The following TOP1 variants were observed in gnomAD, a reference collection of about 807,000 sequenced individuals.
TOP1 encodes the protein DNA topoisomerase 1.
Under a neutral mutation model 111.1 loss-of-function variants are expected in TOP1, and 10 were observed. That is an observed-to-expected ratio of 0.09 (90% CI 0.06 to 0.15). The LOEUF is 0.15. Ranked by LOEUF, TOP1 falls within the 10% of genes least tolerant of loss-of-function variation. The pLI is 1.00. For synonymous variants in TOP1, 271 were observed against 302.9 expected, an observed-to-expected ratio of 0.89 and a Z score of 1.10; for missense variants, 474 against 926.7, an observed-to-expected ratio of 0.51 and a Z score of 6.34.
At position 41,069,468 on chromosome 20, in the gene TOP1, C is replaced by T. The variant is rs921178594; in HGVS notation, c.156-6703C>T. Reference sequence around the variant, plus strand: ...AAGATAAAAGTTAAGAGGCTGGGTTCTGTCATTTATAAGCTACGTGTCGTG... The same window carrying T: ...AAGATAAAAGTTAAGAGGCTGGGTTTTGTCATTTATAAGCTACGTGTCGTG... On this transcript the variant is annotated intron_variant, in intron 3 of 20. Transcript: ENST00000361337. The surrounding 1 kb of genome is among the most constrained non-coding windows in gnomAD (Gnocchi z 4.1). 2.0e-5 allele frequency among the ~76,000 whole-genome samples: 3 copies of T among 152,184 alleles called. No homozygotes were observed. The highest frequency in any genetic ancestry group is 2.9e-5 in the Non-Finnish European group (2 of 68,038).
Position 41,031,305 on chromosome 20 carries a change from A to G in TOP1, c.58+1850A>G, listed in dbSNP as rs563816811. Among the ~76,000 whole-genome samples the G allele has an allele frequency of 1.2e-4, 19 of 152,334 alleles. No homozygotes were observed. In the South Asian group the frequency reaches 3.7e-3, roughly 30 times the overall value. On this transcript the variant is annotated intron_variant, in intron 2 of 20. Coordinates refer to ENST00000361337, the MANE Select transcript of TOP1 (RefSeq NM_003286.4). Reference sequence around the variant, plus strand: ...TGTAAGAAGTCCTTTTGACCTTGCTAGAGGAAGGTGGGATCTTTAATATGG... The same window carrying G: ...TGTAAGAAGTCCTTTTGACCTTGCTGGAGGAAGGTGGGATCTTTAATATGG...
At chr20:41,040,093 G>A (rs2033242174) in intron 2 of TOP1, among the ~76,000 whole-genome samples, 1 of 152,142 alleles carries the variant, frequency 6.6e-6, no homozygotes, top group Admixed American at 6.5e-5. Context: ...CATATTTGAA[G>A]AACTAAAATC....
chr20:41,100,355 GAGC>G lies in TOP1; in HGVS notation c.1163+115_1163+117del. 2 of 844,790 alleles carry G rather than the reference GAGC, an allele frequency of 2.4e-6. No homozygotes were observed. Among genetic ancestry groups the G allele is most frequent in the South Asian group, 3.9e-5 (2 of 51,616 alleles). The allele number at this position is 844,790 out of a possible 1,614,324, so 52.3% of individuals were successfully genotyped here. On this transcript the variant is annotated intron_variant, in intron 12 of 20. Coordinates refer to ENST00000361337, the MANE Select transcript of TOP1 (RefSeq NM_003286.4). The surrounding 1 kb of genome is among the most constrained non-coding windows in gnomAD (Gnocchi z 4.4). ...ACTGTTTGGGAAGGGAGATACTTAA[GAGC>G]AGGACAGTATTTCATGCGTAGGTCT... is the stretch of plus-strand genomic sequence containing the variant.
rs758940687 is a variant in TOP1, at chr20:41,097,378, CA to C, written c.852+41del. ...CATGTGTTAATATCCTAGTACCTTG[CA>C]AAACAATCAAGTACTAAGTAATAAA... is the stretch of plus-strand genomic sequence containing the variant. On this transcript the variant is annotated intron_variant, in intron 10 of 20. Transcript: ENST00000361337. The surrounding 1 kb of genome is among the most constrained non-coding windows in gnomAD (Gnocchi z 4.2). The C allele has an allele frequency of 1.3e-5, 20 of 1,554,736 alleles. No homozygotes were observed. In the South Asian group the frequency reaches 2.3e-4, roughly 18 times the overall value.
At chr20:41,077,201 T>G (rs2033738308) in intron 4 of TOP1, among the ~76,000 whole-genome samples, 1 of 152,234 alleles carries the variant, frequency 6.6e-6, no homozygotes, top group East Asian at 1.9e-4. Flanking sequence ...ATTACAGGCA[T>G]GAGCCATCAC....
In TOP1 at chr20:41,067,562, G is replaced by GTATTTA. The variant is rs1329220911; in HGVS notation, c.155+6073_155+6078dup. On this transcript the variant is annotated intron_variant, in intron 3 of 20. Coordinates refer to ENST00000361337, the MANE Select transcript of TOP1 (RefSeq NM_003286.4). This position sits in a 1 kb window ranked among gnomAD's most constrained non-coding sequence, Gnocchi z 4.0. ...TCACATCTGAACCCCAGAATAATTAGTATTTAGCATGTTCTGTTCCAAAAT... is the reference window on the plus strand; with the variant it reads ...TCACATCTGAACCCCAGAATAATTAGTATTTATATTTAGCATGTTCTGTTCCAAAAT... Among the ~76,000 whole-genome samples the GTATTTA allele has an allele frequency of 1.3e-5, 2 of 152,330 alleles. No individual in the cohort carries two copies. The highest frequency in any genetic ancestry group is 4.8e-5 in the African/African-American group (2 of 41,576).
chr20:41,101,482 A>T lies in TOP1; in HGVS notation c.1308+129A>T. ...TCCTCCCCATTGAAAGAAGGCAAGT[A>T]CTTTCATAGTTAGCATTATGGTGAT... On this transcript the variant is annotated intron_variant, in intron 13 of 20. Coordinates refer to ENST00000361337, the MANE Select transcript of TOP1 (RefSeq NM_003286.4). The surrounding 1 kb of genome is among the most constrained non-coding windows in gnomAD (Gnocchi z 4.1). 3.0e-6 allele frequency: 3 copies of T among 994,570 alleles called. No homozygotes were observed. The highest frequency in any genetic ancestry group is 2.9e-6 in the Non-Finnish European group (2 of 691,288). The allele number at this position is 994,570 out of a possible 1,614,324, so 61.6% of individuals were successfully genotyped here. A position where few individuals can be genotyped will look rare whatever the true frequency, so the allele number is the denominator to read the frequency against.
chr20:41,050,012 A>G (rs2033383997), intron 2 of TOP1, among the ~76,000 whole-genome samples: 3 of 152,060 alleles, frequency 2.0e-5, no homozygotes, highest in Non-Finnish European at 4.4e-5. Context: ...CTCTTCTCTC[A>G]TTCTTTTGTT....
At position 41,084,457 on chromosome 20, in the gene TOP1, T is replaced by C; in HGVS notation, c.508-5T>C. ...TAAGTGCTTTCTCACCATGTTTCTT[T>C]GTAGGATGGTAAATTGAAAAAACCC... On this transcript the variant is annotated splice_region_variant and splice_polypyrimidine_tract_variant and intron_variant, in intron 7 of 20. Coordinates refer to ENST00000361337, the MANE Select transcript of TOP1 (RefSeq NM_003286.4). 4 of 1,522,156 alleles carry C rather than the reference T, an allele frequency of 2.6e-6. No individual in the cohort carries two copies. The highest frequency in any genetic ancestry group is 3.6e-6 in the Non-Finnish European group (4 of 1,122,516). The allele number at this position is 1,522,156 out of a possible 1,614,324, so 94.3% of individuals were successfully genotyped here.
rs2033934311 is a variant in TOP1, at chr20:41,092,729, G to A, written c.730+142G>A. ...TTATTGCCATGCAATTTTGAGGAAG[G>A]GGCATCAGGTGTTAACTCTTAAAGG... On this transcript the variant is annotated intron_variant, in intron 9 of 20. Coordinates refer to ENST00000361337, the MANE Select transcript of TOP1 (RefSeq NM_003286.4). The surrounding 1 kb of genome is among the most constrained non-coding windows in gnomAD (Gnocchi z 4.3). The A allele has an allele frequency of 3.7e-6, 2 of 545,698 alleles. No homozygotes were observed. Among genetic ancestry groups the A allele is most frequent in the Non-Finnish European group, 6.4e-6 (2 of 310,204 alleles). 33.8% of individuals were successfully genotyped at this position (545,698 alleles called of 1,614,324 possible).
At chr20:41,053,628 GT>G in intron 2 of TOP1, among the ~76,000 whole-genome samples, 1 of 152,312 alleles carries the variant, frequency 6.6e-6, no homozygotes, top group African/African-American at 2.4e-5. Flanking sequence ...TTTATAAAGA[GT>G]TTGTATAGTT....
intron 17 of TOP1, among the ~76,000 whole-genome samples, chr20:41,117,534 C>G (rs369783813): frequency 6.6e-6 from 1 of 151,392 alleles, no homozygotes; most frequent in African/African-American, 2.4e-5. Context: ...CTACAGGTGC[C>G]CGCCATGTCG....
At position 41,080,256 on chromosome 20, in the gene TOP1, T is replaced by C. The variant is rs2064465127; in HGVS notation, c.431+76T>C. The C allele has an allele frequency of 1.2e-6, 1 of 830,738 alleles. No homozygotes were observed. The highest frequency in any genetic ancestry group is 1.9e-6 in the Non-Finnish European group (1 of 522,894). 51.5% of individuals were successfully genotyped at this position (830,738 alleles called of 1,614,324 possible). ...AAAGAATAAATGTGATGTGTTTCTT[T>C]ATAATACATATAGAAACTGCATTAA... On this transcript the variant is annotated intron_variant, in intron 6 of 20. Coordinates refer to ENST00000361337, the MANE Select transcript of TOP1 (RefSeq NM_003286.4). The surrounding 1 kb of genome is among the most constrained non-coding windows in gnomAD (Gnocchi z 5.0).
rs1327899669 is a variant in TOP1 at position 41,071,937 on chromosome 20, GCTA to G, written c.156-4231_156-4229del. Among the ~76,000 whole-genome samples, 9 of 152,190 alleles carry G rather than the reference GCTA, an allele frequency of 5.9e-5. No individual in the cohort carries two copies. The highest frequency in any genetic ancestry group is 1.0e-4 in the Non-Finnish European group (7 of 68,036). On this transcript the variant is annotated intron_variant, in intron 3 of 20. Transcript: ENST00000361337. The surrounding 1 kb of genome is among the most constrained non-coding windows in gnomAD (Gnocchi z 4.3). ...TGACCATTGCAGAAGTTCTAGGACT[GCTA>G]CTGTCTGTATTTTTGTCCTTCAGCA... is the stretch of plus-strand genomic sequence containing the variant.
In TOP1 at chr20:41,117,971, A is replaced by C. The variant is rs559726205; in HGVS notation, c.1823-198A>C. 5.3e-5 allele frequency among the ~76,000 whole-genome samples: 8 copies of C among 152,326 alleles called. No homozygotes were observed. In the South Asian group the frequency reaches 1.5e-3, roughly 28 times the overall value. ...GAATTTACCCAGGCCAAGCTTACATATAAACTTCCTACTATCATTTTCTTA... is the reference window on the plus strand; with the variant it reads ...GAATTTACCCAGGCCAAGCTTACATCTAAACTTCCTACTATCATTTTCTTA... On this transcript the variant is annotated intron_variant, in intron 17 of 20. Coordinates refer to ENST00000361337, the MANE Select transcript of TOP1 (RefSeq NM_003286.4).
chr20:41,058,563 C>T lies in TOP1; in HGVS notation c.59-2831C>T, dbSNP rs1305539369. On this transcript the variant is annotated intron_variant, in intron 2 of 20. Transcript: ENST00000361337. This position sits in a 1 kb window ranked among gnomAD's most constrained non-coding sequence, Gnocchi z 4.2. ...TGAGTGAGTACATGACAGTGTGTCA[C>T]TGGCCTCCCCCAGAGCAAGGAGAGA... 2.6e-5 allele frequency among the ~76,000 whole-genome samples: 4 copies of T among 152,342 alleles called. No individual in the cohort carries two copies. Among genetic ancestry groups the T allele is most frequent in the Middle Eastern group, 3.4e-3 (1 of 294 alleles).
intron 2 of TOP1, among the ~76,000 whole-genome samples, chr20:41,038,983 AC>A (rs2033224828): frequency 6.6e-6 from 1 of 150,444 alleles, no homozygotes; most frequent in Non-Finnish European, 1.5e-5. Flanking sequence ...ACAGAGTGAG[AC>A]CCTGTCTCAA....
rs1028771174 is a variant in TOP1, at chr20:41,100,520, T to G, written c.1163+277T>G. 4 of 326,264 alleles carry G rather than the reference T, an allele frequency of 1.2e-5. No homozygotes were observed. Among genetic ancestry groups the G allele is most frequent in the African/African-American group, 2.1e-5 (1 of 48,082 alleles). The allele number at this position is 326,264 out of a possible 1,614,324, so 20.2% of individuals were successfully genotyped here. A position where few individuals can be genotyped will look rare whatever the true frequency, so the allele number is the denominator to read the frequency against. On this transcript the variant is annotated intron_variant, in intron 12 of 20. Coordinates refer to ENST00000361337, the MANE Select transcript of TOP1 (RefSeq NM_003286.4). The surrounding 1 kb of genome is among the most constrained non-coding windows in gnomAD (Gnocchi z 4.4). ...CTGTTGATGTCTTCCACCCCCAAAT[T>G]TAATGTCTTTTCCATGTTTATTAAG... is the stretch of plus-strand genomic sequence containing the variant.
chr20:41,066,116 T>TAA (rs1305976910), intron 3 of TOP1, among the ~76,000 whole-genome samples: 1 of 152,242 alleles, frequency 6.6e-6, no homozygotes, highest in Non-Finnish European at 1.5e-5. Context: ...GGTTAATATT[T>TAA]AAAACATAAG....
Sources: allele counts gnomAD v4.1 joint callset (sites outside exome capture counted in the v4.1 genomes callset), GRCh38; gene constraint gnomAD v4.1.1; non-coding constraint Gnocchi (gnomAD v3.1); transcripts MANE v1.5; gene names NCBI Gene and HGNC (gene_info 2026-07-23, HGNC 2026-07-21).